SPINK1: variants seen among roughly 807,000 people sequenced by gnomAD.
SPINK1 encodes the protein serine protease inhibitor Kazal-type 1.
In SPINK1, 5 loss-of-function variants were observed where a neutral mutation model predicts 9.5. The observed-to-expected ratio is 0.52, with a 90% CI of 0.27 to 1.10. SPINK1 has a LOEUF of 1.10. Among genes scored for constraint, SPINK1 ranks in the 50% least tolerant of loss-of-function variants. The pLI is 0.11. For missense variants in SPINK1, 88 were observed against 92.7 expected (o/e 0.95, Z 0.21); for synonymous variants, 37 against 32.3 (o/e 1.14, Z -0.49).
rs118005432 is a variant in SPINK1, at chr5:147,826,744, G to A, written c.194+1278C>T. On this transcript the variant is annotated intron_variant, in intron 3 of 3. Transcript: ENST00000296695. ...CAAAGTAGAATACCTAATGTTTTGG[G>A]TCTAAAACTTCAGGATATTAGACCT... Among the ~76,000 whole-genome samples, 81 of 152,226 alleles carry A rather than the reference G, an allele frequency of 5.3e-4. 1 individual carries two copies. In the East Asian group the frequency reaches 0.015, roughly 28 times the overall value.
chr5:147,830,951 T>G (rs1002087235), intron 1 of SPINK1, among the ~76,000 whole-genome samples: 1 of 152,152 alleles, frequency 6.6e-6, no homozygotes, highest in African/African-American at 2.4e-5. Context: ...CAAAATGCAA[T>G]TTTTGTATTT....
rs1457460747 is a variant in SPINK1, at chr5:147,828,096, G to T, written c.120C>A (p.Thr40=). Residue 40 remains threonine (T), a synonymous_variant, in exon 3 of 4, where the codon ACC becomes ACA. Transcript: ENST00000296695. The part of the protein sequence containing the change: ...AKCYNELNGC[T]KIYDPVCGTD... ...TCCCACAGACAGGGTCATATATCTT[G>T]GTGCATCCATTAAGTTCATTGTAAC... 2 of 1,612,962 alleles carry T rather than the reference G, an allele frequency of 1.2e-6. No individual in the cohort carries two copies. The highest frequency in any genetic ancestry group is 1.7e-5 in the Admixed American group (1 of 59,936).
chr5:147,838,633 T>C, the SPINK1 span, among the ~76,000 whole-genome samples: 2 of 152,172 alleles, frequency 1.3e-5, no homozygotes, highest in Non-Finnish European at 2.9e-5. Context: ...CTTTATAAAA[T>C]ATATCTGATT....
At chr5:147,825,408 T>C (rs1232150615) in intron 3 of SPINK1, among the ~76,000 whole-genome samples, 1 of 151,594 alleles carries the variant, frequency 6.6e-6, no homozygotes, top group Non-Finnish European at 1.5e-5. Flanking sequence ...GACTTCCATA[T>C]ACTTTTTTTT....
the SPINK1 span, among the ~76,000 whole-genome samples, chr5:147,838,394 G>A: frequency 1.1e-4 from 17 of 152,246 alleles, no homozygotes; most frequent in East Asian, 3.1e-3. Context: ...AAGAGGGAGA[G>A]TGTATGAAGA....
chr5:147,831,460 G>A (rs1273555415), intron 1 of SPINK1, 63 bp downstream of exon 1: 1 of 1,595,734 alleles, frequency 6.3e-7, no homozygotes, highest in Non-Finnish European at 8.6e-7. Flanking sequence ...AGAAGATAAT[G>A]TGCTTCACAA....
chr5:147,832,248 A>T (rs766820760), upstream of SPINK1, among the ~76,000 whole-genome samples: 2 of 152,180 alleles, frequency 1.3e-5, no homozygotes, highest in African/African-American at 2.4e-5. Flanking sequence ...TCATCTGGAA[A>T]TTAAAATAAT....
At chr5:147,837,783 C>A in the SPINK1 span, among the ~76,000 whole-genome samples, 3 of 150,504 alleles carry the variant, frequency 2.0e-5, no homozygotes, top group South Asian at 2.1e-4. Context: ...CTTACTGCAA[C>A]CTCTGTCTTC....
At chr5:147,831,314 G>A (rs968920971) in intron 1 of SPINK1, among the ~76,000 whole-genome samples, 1 of 152,074 alleles carries the variant, frequency 6.6e-6, no homozygotes, top group Non-Finnish European at 1.5e-5. Flanking sequence ...TTATTTCTGG[G>A]AATTTCTTAC....
Position 147,831,648 on chromosome 5 carries a change from G to A in SPINK1, c.-71C>T. On this transcript the variant is annotated 5_prime_UTR_variant, in exon 1 of 4. Transcript: ENST00000296695. Reference sequence around the variant, plus strand: ...TTACCACGTCTCTTCAGAAGCCTGGGACTGGAAGGGTCATATGGCAGATGG... The same window carrying A: ...TTACCACGTCTCTTCAGAAGCCTGGAACTGGAAGGGTCATATGGCAGATGG... 1 of 1,598,942 alleles carries A rather than the reference G, an allele frequency of 6.3e-7. No homozygotes were observed.
At chr5:147,837,678 T>TTTCTTTCTTTCTTTCTTTCTTTC in the SPINK1 span, among the ~76,000 whole-genome samples, 1 of 145,388 alleles carries the variant, frequency 6.9e-6, no homozygotes, top group Admixed American at 7.0e-5. Flanking sequence ...TCTTTCTTTC[T>TTTCTTTCTTTCTTTCTTTCTTTC]TTCTTTCTTT....
chr5:147,836,262 T>C (rs1756592817), upstream of SPINK1, among the ~76,000 whole-genome samples: 1 of 151,728 alleles, frequency 6.6e-6, no homozygotes, highest in African/African-American at 2.4e-5. Context: ...TTCTTGTTCC[T>C]GGTAACAGAT....
upstream of SPINK1, among the ~76,000 whole-genome samples, chr5:147,833,048 C>T (rs754902692): frequency 3.3e-5 from 5 of 152,006 alleles, no homozygotes; most frequent in African/African-American, 7.3e-5. Context: ...TGTATCATAG[C>T]GTAATCAGAG....
the SPINK1 span, among the ~76,000 whole-genome samples, chr5:147,837,949 G>C: frequency 6.6e-5 from 10 of 152,034 alleles, no homozygotes; most frequent in African/African-American, 2.4e-4. Flanking sequence ...TGATCCACCC[G>C]CCTCGGCCCC....
upstream of SPINK1, among the ~76,000 whole-genome samples, chr5:147,834,911 G>A (rs1756571262): frequency 6.6e-6 from 1 of 152,062 alleles, no homozygotes; most frequent in Admixed American, 6.6e-5. Context: ...TATATGTGAG[G>A]ACTCTTGATA....
chr5:147,826,243 C>G (rs564129914), intron 3 of SPINK1, among the ~76,000 whole-genome samples: 1 of 152,134 alleles, frequency 6.6e-6, no homozygotes, highest in Non-Finnish European at 1.5e-5. Context: ...CTAGGGTCAG[C>G]GTCTGGCTTT....
At chr5:147,828,203 T>C (rs1280175154) in intron 2 of SPINK1, 75 bp from the exon 3 acceptor site, 1 of 1,133,810 alleles carries the variant, frequency 8.8e-7, no homozygotes. Context: ...TCTGAAATGG[T>C]TTTATTTCTC....
At chr5:147,824,828 A>C in intron 3 of SPINK1, 122 bp from the exon 4 acceptor site, 1 of 850,910 alleles carries the variant, frequency 1.2e-6, no homozygotes. Context: ...TGAGATTTAT[A>C]ATCTTTTCTC....
At chr5:147,832,018 C>T (rs958493754), upstream of SPINK1, among the ~76,000 whole-genome samples, 6 of 152,158 alleles carry the variant, frequency 3.9e-5, no homozygotes, top group Non-Finnish European at 7.3e-5. Flanking sequence ...AGGGTAAAAC[C>T]TCTCCATTCT....
Sources: allele counts gnomAD v4.1 joint callset (sites outside exome capture counted in the v4.1 genomes callset), GRCh38; gene constraint gnomAD v4.1.1; transcripts MANE v1.5; gene names NCBI Gene and HGNC (gene_info 2026-07-23, HGNC 2026-07-21).